The following NEMP2 variants were observed in gnomAD, a reference collection of about 807,000 sequenced individuals.
NEMP2 encodes the protein nuclear envelope integral membrane protein 2.
A neutral mutation model predicts 54.2 loss-of-function variants in NEMP2; 53 were observed. That is an observed-to-expected ratio of 0.98 (90% confidence interval 0.78 to 1.23). NEMP2 has a LOEUF of 1.23. NEMP2 is among the 50% of genes most tolerant of loss of function. The probability of loss-of-function intolerance (pLI) is 0.00; values close to 1 mark genes in which losing one functional copy is unlikely to be tolerated. For missense variants in NEMP2, 455 were observed against 511.3 expected (o/e 0.89, Z 1.06); for synonymous variants, 197 against 190.3 (o/e 1.04, Z -0.29).
the NEMP2 span, among the ~76,000 whole-genome samples, chr2:190,478,384 A>C: frequency 5.2e-3 from 793 of 152,288 alleles, 2 homozygotes; most frequent in Non-Finnish European, 8.7e-3. Context: ...ACTGCACAAC[A>C]AAATCAAAAT....
At chr2:190,481,018 CT>C in the NEMP2 span, among the ~76,000 whole-genome samples, 2 of 152,188 alleles carry the variant, frequency 1.3e-5, no homozygotes, top group African/African-American at 2.4e-5. Flanking sequence ...GGAAATGTGG[CT>C]AGTCAGTGCA....
intron 7 of NEMP2, among the ~76,000 whole-genome samples, chr2:190,511,121 C>T (rs549174758): frequency 1.3e-5 from 2 of 152,158 alleles, no homozygotes; most frequent in Admixed American, 6.5e-5. Flanking sequence ...TTTTCTTCCT[C>T]GGTGATTTCT....
the NEMP2 span, among the ~76,000 whole-genome samples, chr2:190,606,932 C>T: frequency 1.6e-4 from 24 of 152,144 alleles, no homozygotes; most frequent in Admixed American, 1.5e-3. Flanking sequence ...CTACTGGCAG[C>T]TTCCTTGGTG....
the NEMP2 span, among the ~76,000 whole-genome samples, chr2:190,593,066 C>T: frequency 2.6e-5 from 4 of 152,134 alleles, no homozygotes; most frequent in Non-Finnish European, 5.9e-5. This position sits in a 1 kb window ranked among gnomAD's most constrained non-coding sequence, Gnocchi z 4.5. Context: ...AGGCTCCTGA[C>T]AAAATTAGTA....
chr2:190,480,757 T>TA, the NEMP2 span, among the ~76,000 whole-genome samples: 2 of 152,242 alleles, frequency 1.3e-5, no homozygotes, highest in Admixed American at 6.5e-5. Context: ...TCTTGAGTTA[T>TA]AGGAGAGGTT....
the NEMP2 span, among the ~76,000 whole-genome samples, chr2:190,633,580 C>A: frequency 6.6e-6 from 1 of 152,090 alleles, no homozygotes; most frequent in African/African-American, 2.4e-5. Flanking sequence ...ACCCAAAGTG[C>A]TGGGATTACA....
chr2:190,548,971 C>T, the NEMP2 span, among the ~76,000 whole-genome samples: 1 of 152,226 alleles, frequency 6.6e-6, no homozygotes, highest in Non-Finnish European at 1.5e-5. Flanking sequence ...CATCCATAGA[C>T]ACTATATTTT....
chr2:190,534,329 C>T (rs1691278271), intron 1 of NEMP2: 1 of 1,193,114 alleles, frequency 8.4e-7, no homozygotes, highest in Non-Finnish European at 1.0e-6. Flanking sequence ...GCGGTTGCTT[C>T]TAATTCTAAA....
At position 190,506,152 on chromosome 2, in the gene NEMP2, C is replaced by G. The variant is rs144266122; in HGVS notation, c.*3037G>C. 1.3e-3 allele frequency: 204 copies of G among 152,260 alleles called. No individual in the cohort carries two copies. Among genetic ancestry groups the G allele is most frequent in the African/African-American group, 4.6e-3 (191 of 41,550 alleles). 9.4% of individuals were successfully genotyped at this position (152,260 alleles called of 1,614,324 possible). ...AGAGACAGGTCTTATGGTGCAATAA[C>G]AAAAAGCAGGGTTCTAAGTCAATAA... On this transcript the variant is annotated 3_prime_UTR_variant, in exon 9 of 9. Transcript: ENST00000409150. The surrounding 1 kb of genome is among the most constrained non-coding windows in gnomAD (Gnocchi z 6.3).
chr2:190,613,750 G>A, the NEMP2 span, among the ~76,000 whole-genome samples: 1 of 151,936 alleles, frequency 6.6e-6, no homozygotes, highest in Admixed American at 6.6e-5. Flanking sequence ...ACCATGCCCG[G>A]CTAATTTTTA....
chr2:190,475,699 T>G, the NEMP2 span, among the ~76,000 whole-genome samples: 2 of 152,114 alleles, frequency 1.3e-5, no homozygotes, highest in Non-Finnish European at 2.9e-5. Context: ...TTCACAGAAT[T>G]GGAAAAAACT....
the NEMP2 span, among the ~76,000 whole-genome samples, chr2:190,544,475 T>A: frequency 6.6e-6 from 1 of 152,192 alleles, no homozygotes; most frequent in African/African-American, 2.4e-5. Flanking sequence ...GGAATTTTTT[T>A]AAGTTGTGAT....
chr2:190,422,009 C>T, the NEMP2 span, among the ~76,000 whole-genome samples: 6 of 152,148 alleles, frequency 3.9e-5, no homozygotes, highest in African/African-American at 7.2e-5. Flanking sequence ...CCCAATGTAG[C>T]TATAAGGCAA....
Position 190,509,400 on chromosome 2 carries a change from TTTAA to T in NEMP2, c.1131-92_1131-89del. The T allele has an allele frequency of 2.1e-6, 3 of 1,432,034 alleles. No individual in the cohort carries two copies. The highest frequency in any genetic ancestry group is 2.9e-6 in the Non-Finnish European group (3 of 1,051,864). The allele number at this position is 1,432,034 out of a possible 1,614,324, so 88.7% of individuals were successfully genotyped here. On this transcript the variant is annotated intron_variant, in intron 8 of 8. Coordinates refer to ENST00000409150, the MANE Select transcript of NEMP2 (RefSeq NM_001142645.2). This position sits in a 1 kb window ranked among gnomAD's most constrained non-coding sequence, Gnocchi z 6.1. ...ACATGTTCCCTTGCTATTTATCCCC[TTTAA>T]TTAAATTTGACTTTGCATCAATACA... is the stretch of plus-strand genomic sequence containing the variant.
chr2:190,612,512 G>A, the NEMP2 span, among the ~76,000 whole-genome samples: 1 of 152,050 alleles, frequency 6.6e-6, no homozygotes, highest in Non-Finnish European at 1.5e-5. Context: ...TACCACACAA[G>A]ATCCTTCATT....
At chr2:190,619,749 G>C in the NEMP2 span, among the ~76,000 whole-genome samples, 7 of 152,052 alleles carry the variant, frequency 4.6e-5, no homozygotes, top group African/African-American at 1.4e-4. This position sits in a 1 kb window ranked among gnomAD's most constrained non-coding sequence, Gnocchi z 5.5. Flanking sequence ...GGCAGCCAGG[G>C]GCAGAACTTA....
chr2:190,437,245 G>A, the NEMP2 span: 1 of 1,614,208 alleles, frequency 6.2e-7, no homozygotes, highest in Non-Finnish European at 8.5e-7. This position sits in a 1 kb window ranked among gnomAD's most constrained non-coding sequence, Gnocchi z 5.9. Context: ...AGGGAAAGAG[G>A]TGGAGATCCC....
the NEMP2 span, among the ~76,000 whole-genome samples, chr2:190,454,801 C>T: frequency 6.6e-6 from 1 of 152,080 alleles, no homozygotes; most frequent in African/African-American, 2.4e-5. This position sits in a 1 kb window ranked among gnomAD's most constrained non-coding sequence, Gnocchi z 4.6. Context: ...GGGATGGGAT[C>T]CCCAAAGATT....
the NEMP2 span, among the ~76,000 whole-genome samples, chr2:190,441,342 A>T: frequency 6.6e-6 from 1 of 152,018 alleles, no homozygotes; most frequent in Admixed American, 6.5e-5. Context: ...GACCAATTAC[A>T]TCAGTCTTTC....
Sources: allele counts gnomAD v4.1 joint callset (sites outside exome capture counted in the v4.1 genomes callset), GRCh38; gene constraint gnomAD v4.1.1; non-coding constraint Gnocchi (gnomAD v3.1); transcripts MANE v1.5; gene names NCBI Gene and HGNC (gene_info 2026-07-23, HGNC 2026-07-21).